SLC30A6: variants seen among roughly 807,000 people sequenced by gnomAD.
SLC30A6 encodes the protein zinc transporter 6.
SLC30A6 carries 55 observed loss-of-function variants against 63.0 expected under a neutral mutation model. That is an observed-to-expected ratio of 0.87 (90% CI 0.70 to 1.09). The LOEUF is 1.09. Among genes scored for constraint, SLC30A6 ranks in the 50% least tolerant of loss-of-function variants. The probability of loss-of-function intolerance (pLI) is 0.00; values close to 1 mark genes in which losing one functional copy is unlikely to be tolerated. For missense variants in SLC30A6, 587 were observed against 549.2 expected, an observed-to-expected ratio of 1.07 and a Z score of -0.69; for synonymous variants, 224 against 186.1, an observed-to-expected ratio of 1.20 and a Z score of -1.66.
chr2:32,194,796 C>T (rs1377854442), intron 8 of SLC30A6, among the ~76,000 whole-genome samples: 1 of 152,096 alleles, frequency 6.6e-6, no homozygotes, highest in Non-Finnish European at 1.5e-5. Flanking sequence ...AGAAGTACTG[C>T]ATGAATTAGA....
chr2:32,175,619 C>G (rs1681665387), intron 4 of SLC30A6, among the ~76,000 whole-genome samples: 1 of 152,012 alleles, frequency 6.6e-6, no homozygotes, highest in Non-Finnish European at 1.5e-5. Context: ...GGAAAGTAAT[C>G]TACTAAATAA....
intron 6 of SLC30A6, 125 bp from the exon 7 acceptor site, chr2:32,192,793 T>C (rs1399843006): frequency 1.8e-6 from 1 of 570,902 alleles, no homozygotes; most frequent in African/African-American, 2.0e-5. Flanking sequence ...TCATCACTGC[T>C]AATAGTTAAT....
At chr2:32,168,976 G>C (rs539258195) in intron 1 of SLC30A6, among the ~76,000 whole-genome samples, 65 of 152,116 alleles carry the variant, frequency 4.3e-4, no homozygotes, top group Non-Finnish European at 8.8e-4. Context: ...CTGCCTCTTA[G>C]AAACCTTGTT....
intron 5 of SLC30A6, among the ~76,000 whole-genome samples, chr2:32,186,006 C>G (rs987547930): frequency 6.6e-6 from 1 of 151,668 alleles, no homozygotes; most frequent in African/African-American, 2.4e-5. Context: ...GCTGGGATTA[C>G]AGGTGTGATC....
At position 32,193,952 on chromosome 2, in the gene SLC30A6, T is replaced by G; in HGVS notation, c.465T>G (p.Ile155Met). The G allele has an allele frequency of 1.9e-6, 3 of 1,613,646 alleles. No homozygotes were observed. The highest frequency in any genetic ancestry group is 2.5e-6 in the Non-Finnish European group (3 of 1,179,772). Residue 155 changes from isoleucine (I) to methionine (M), a missense_variant, in exon 8 of 14, where the codon ATT (isoleucine) becomes ATG (methionine). Ile to Met is a conservative substitution (Grantham distance 10, BLOSUM62 1). Transcript: ENST00000282587. ...TCAACCTGTTCACGATGCTTTCTAT[T>G]CGGAATAAACCTTTTGCTTATGTCT... ...LCFNLFTMLS[I>M]RNKPFAYVSE...
intron 12 of SLC30A6, among the ~76,000 whole-genome samples, chr2:32,208,720 G>T (rs1307685179): frequency 6.6e-6 from 1 of 151,750 alleles, no homozygotes; most frequent in African/African-American, 2.4e-5. Context: ...CGCCATGTTG[G>T]CCTGGCTGGA....
intron 2 of SLC30A6, among the ~76,000 whole-genome samples, chr2:32,173,222 A>G (rs868558879): frequency 6.6e-6 from 1 of 152,222 alleles, no homozygotes; most frequent in Middle Eastern, 3.4e-3. Context: ...TCTTCTCCTC[A>G]TCTTTATTAA....
intron 5 of SLC30A6, among the ~76,000 whole-genome samples, chr2:32,189,016 G>T (rs963210896): frequency 2.0e-5 from 3 of 152,040 alleles, no homozygotes; most frequent in African/African-American, 7.2e-5. Context: ...TAATTGTTAA[G>T]GACATTTAGA....
At chr2:32,166,974 A>C (rs1357174842) in intron 1 of SLC30A6, among the ~76,000 whole-genome samples, 1 of 150,070 alleles carries the variant, frequency 6.7e-6, no homozygotes, top group Non-Finnish European at 1.5e-5. Context: ...CCTTACTCAA[A>C]TTTTCTCCTT....
At position 32,207,074 on chromosome 2, in the gene SLC30A6, A is replaced by G. The variant is rs72863970; in HGVS notation, c.816+141A>G. The stretch of plus-strand genomic sequence containing the variant: ...TCTTCACAATAACATACTAGGAGCC[A>G]TAATATAGTGGCAAACGTGGAAAAA... On this transcript the variant is annotated intron_variant, in intron 12 of 13. Coordinates refer to ENST00000282587, the MANE Select transcript of SLC30A6 (RefSeq NM_017964.5). The G allele has an allele frequency of 6.7e-4, 429 of 637,826 alleles. 1 individual carries two copies. The African/African-American group carries it at 7.2e-3, about 11-fold the overall frequency. The allele number at this position is 637,826 out of a possible 1,614,324, so 39.5% of individuals were successfully genotyped here.
intron 5 of SLC30A6, chr2:32,187,152 G>A: frequency 2.1e-6 from 1 of 470,366 alleles, no homozygotes; most frequent in Non-Finnish European, 4.4e-6. Flanking sequence ...TGCCTCCCAG[G>A]CCTGCTTTTC....
At chr2:32,214,504 C>G (rs1685533863) in intron 13 of SLC30A6, 1 of 152,080 alleles carries the variant, frequency 6.6e-6, no homozygotes, top group South Asian at 2.1e-4. Flanking sequence ...TGCACAGAGG[C>G]CATACTAATC....
At chr2:32,166,710 A>G (rs1429283842) in intron 1 of SLC30A6, among the ~76,000 whole-genome samples, 1 of 152,222 alleles carries the variant, frequency 6.6e-6, no homozygotes, top group Non-Finnish European at 1.5e-5. Flanking sequence ...TGAGAAAGAG[A>G]CCACATTTCT....
Position 32,223,240 on chromosome 2 carries a change from A to C in SLC30A6, c.*2527A>C, listed in dbSNP as rs1330185352. ...TACTAGTAAATCTTGCCACAGAATCACTTGAAGCTAGACAGAGAAAGAAGT... is the reference window on the plus strand; with the variant it reads ...TACTAGTAAATCTTGCCACAGAATCCCTTGAAGCTAGACAGAGAAAGAAGT... On this transcript the variant is annotated 3_prime_UTR_variant, in exon 14 of 14. Transcript: ENST00000282587. The C allele has an allele frequency of 1.3e-5, 2 of 152,242 alleles. No homozygotes were observed. Among genetic ancestry groups the C allele is most frequent in the African/African-American group, 2.4e-5 (1 of 41,468 alleles). The allele number at this position is 152,242 out of a possible 1,614,324, so 9.4% of individuals were successfully genotyped here.
Position 32,172,120 on chromosome 2 carries a change from T to C in SLC30A6, c.90+747T>C, listed in dbSNP as rs117919236. 3.7e-4 allele frequency among the ~76,000 whole-genome samples: 56 copies of C among 152,350 alleles called. 1 individual carries two copies. The East Asian group carries it at 9.8e-3, about 27-fold the overall frequency. Reference sequence around the variant, plus strand: ...TAGTTACTGTGTTTCATGCTTCTCATTGTTGTCTAAATGATAAACTCTCTG... The same window carrying C: ...TAGTTACTGTGTTTCATGCTTCTCACTGTTGTCTAAATGATAAACTCTCTG... On this transcript the variant is annotated intron_variant, in intron 2 of 13. Coordinates refer to ENST00000282587, the MANE Select transcript of SLC30A6 (RefSeq NM_017964.5).
At chr2:32,219,949 T>C (rs1001762946) in intron 13 of SLC30A6, among the ~76,000 whole-genome samples, 3 of 152,214 alleles carry the variant, frequency 2.0e-5, no homozygotes, top group Non-Finnish European at 4.4e-5. Flanking sequence ...GTATGTTTCA[T>C]TTATATTCTT....
chr2:32,173,763 T>G (rs1318271169), intron 2 of SLC30A6, among the ~76,000 whole-genome samples: 1 of 152,226 alleles, frequency 6.6e-6, no homozygotes, highest in Non-Finnish European at 1.5e-5. Context: ...CTATAATATG[T>G]ACTTATAGAG....
chr2:32,170,144 C>G (rs1681068275), intron 1 of SLC30A6, among the ~76,000 whole-genome samples: 1 of 151,812 alleles, frequency 6.6e-6, no homozygotes, highest in African/African-American at 2.4e-5. Context: ...GGTTTTATGC[C>G]CTATTAAGAA....
chr2:32,201,790 C>A, intron 10 of SLC30A6: 1 of 1,357,198 alleles, frequency 7.4e-7, no homozygotes, highest in East Asian at 2.3e-5. Context: ...ATACATTACA[C>A]AGTGCTGGAG....
Sources: allele counts gnomAD v4.1 joint callset (sites outside exome capture counted in the v4.1 genomes callset), GRCh38; gene constraint gnomAD v4.1.1; transcripts MANE v1.5; gene names NCBI Gene and HGNC (gene_info 2026-07-23, HGNC 2026-07-21).